Variants in CAMK1D observed in about 807,000 individuals in gnomAD.
CAMK1D encodes the protein calcium/calmodulin-dependent protein kinase type 1D.
CAMK1D carries 9 observed loss-of-function variants against 47.7 expected under a neutral mutation model. The ratio of observed to expected loss-of-function variants is 0.19; its 90% CI spans 0.11 to 0.33. CAMK1D has a LOEUF of 0.33. Among genes scored for constraint, CAMK1D ranks in the 10% least tolerant of loss-of-function variants. CAMK1D has a pLI of 1.00. For missense variants in CAMK1D, 291 were observed against 488.7 expected (o/e 0.60, Z 3.81); for synonymous variants, 184 against 184.9 (o/e 0.99, Z 0.04).
In CAMK1D at chr10:12,457,779, CAAAA is replaced by C. The variant is rs5783269; in HGVS notation, c.93-95428_93-95425del. On this transcript the variant is annotated intron_variant, in intron 1 of 10. Transcript: ENST00000619168. ...CTGGCGACAGAGCAAGACTCTGTCT[CAAAA>C]AAAAAAAAAAAAAAAAAGAAAGATG... 1.8e-4 allele frequency among the ~76,000 whole-genome samples: 13 copies of C among 71,126 alleles called. No homozygotes were observed. In the South Asian group the frequency reaches 4.8e-3, roughly 26 times the overall value. 46.7% of individuals were successfully genotyped at this position (71,126 alleles called of 152,430 possible). A position where few individuals can be genotyped will look rare whatever the true frequency, so the allele number is the denominator to read the frequency against.
At position 12,439,102 on chromosome 10, in the gene CAMK1D, C is replaced by T. The variant is rs562088982; in HGVS notation, c.92+89192C>T. On this transcript the variant is annotated intron_variant, in intron 1 of 10. Transcript: ENST00000619168. ...GGGTAGGACAGACATCAGGCACTATCGTCTGTGTCTACCAGGGCCTATTAT... is the reference window on the plus strand; with the variant it reads ...GGGTAGGACAGACATCAGGCACTATTGTCTGTGTCTACCAGGGCCTATTAT... 3.3e-5 allele frequency among the ~76,000 whole-genome samples: 5 copies of T among 152,304 alleles called. No homozygotes were observed. The South Asian group carries it at 6.2e-4, about 19-fold the overall frequency.
intron 2 of CAMK1D, among the ~76,000 whole-genome samples, chr10:12,562,371 T>G (rs1240013077): frequency 1.3e-5 from 2 of 152,204 alleles, no homozygotes; most frequent in African/African-American, 4.8e-5. Context: ...GGATTTACGT[T>G]TCCAACACAT....
At chr10:12,411,321 T>C (rs545929571) in intron 1 of CAMK1D, among the ~76,000 whole-genome samples, 140 of 152,350 alleles carry the variant, frequency 9.2e-4, no homozygotes, top group Non-Finnish European at 1.8e-3. Context: ...TAGGCTGTGC[T>C]TCCACCATGC....
chr10:12,694,514 A>T (rs1327123702), intron 3 of CAMK1D, among the ~76,000 whole-genome samples: 1 of 81,582 alleles, frequency 1.2e-5, no homozygotes, highest in Non-Finnish European at 2.3e-5. Context: ...ATATTATATA[A>T]AATATATATG....
intron 1 of CAMK1D, among the ~76,000 whole-genome samples, chr10:12,530,637 C>A (rs886329911): frequency 6.6e-6 from 1 of 152,158 alleles, no homozygotes; most frequent in Non-Finnish European, 1.5e-5. Flanking sequence ...AAGGTCTTCC[C>A]GTGGCCTCGG....
chr10:12,609,220 A>T (rs1207607106), intron 2 of CAMK1D, among the ~76,000 whole-genome samples: 1 of 152,156 alleles, frequency 6.6e-6, no homozygotes, highest in African/African-American at 2.4e-5. Flanking sequence ...GACCAAAGAG[A>T]GCTGTGAGGA....
At chr10:12,556,838 C>T (rs1274080931) in intron 2 of CAMK1D, among the ~76,000 whole-genome samples, 3 of 152,156 alleles carry the variant, frequency 2.0e-5, no homozygotes, top group Non-Finnish European at 4.4e-5. Context: ...GGGGCCAGGA[C>T]TCTATGTATG....
intron 2 of CAMK1D, among the ~76,000 whole-genome samples, chr10:12,580,963 T>C (rs1256546971): frequency 6.6e-6 from 1 of 152,118 alleles, no homozygotes; most frequent in Non-Finnish European, 1.5e-5. Context: ...TTAGTGGTGA[T>C]TTCTGAGATT....
intron 1 of CAMK1D, among the ~76,000 whole-genome samples, chr10:12,431,439 G>A (rs1319056857): frequency 6.6e-6 from 1 of 152,194 alleles, no homozygotes; most frequent in African/African-American, 2.4e-5. Flanking sequence ...GAGAGACTGG[G>A]TGGGTCGGGG....
chr10:12,551,483 G>A (rs1005122217), intron 1 of CAMK1D, among the ~76,000 whole-genome samples: 4 of 152,172 alleles, frequency 2.6e-5, no homozygotes, highest in Non-Finnish European at 1.5e-5. Flanking sequence ...GGCTGGGCGT[G>A]GTGGTTCACA....
In CAMK1D at chr10:12,600,819, T is replaced by A. The variant is rs192523929; in HGVS notation, c.224+47463T>A. ...AAGCCTCTAACGTGTGTTACTCCAT[T>A]CTGTATGTTCACATGTACACATTAT... is the stretch of plus-strand genomic sequence containing the variant. On this transcript the variant is annotated intron_variant, in intron 2 of 10. Coordinates refer to ENST00000619168, the MANE Select transcript of CAMK1D (RefSeq NM_153498.4). Among the ~76,000 whole-genome samples the A allele has an allele frequency of 3.3e-5, 5 of 152,344 alleles. No homozygotes were observed. In the East Asian group the frequency reaches 9.6e-4, roughly 29 times the overall value.
chr10:12,568,053 G>A (rs1837178116), intron 2 of CAMK1D, among the ~76,000 whole-genome samples: 1 of 151,760 alleles, frequency 6.6e-6, no homozygotes. Context: ...TTTGTTCTGG[G>A]ACCCACTCTC....
chr10:12,354,496 G>C (rs548703496), intron 1 of CAMK1D, among the ~76,000 whole-genome samples: 8 of 151,330 alleles, frequency 5.3e-5, no homozygotes, highest in Middle Eastern at 3.5e-3. Flanking sequence ...CGGGATCTCA[G>C]CTCACCGCAA....
rs1388477740 is a variant in CAMK1D, at chr10:12,490,187, GC to G, written c.93-63036del. ...ACCCAGCCCTGGCCTCTGCTGTGAA[GC>G]CTTACTTGGGCCTGGGAAGTCACTT... On this transcript the variant is annotated intron_variant, in intron 1 of 10. Coordinates refer to ENST00000619168, the MANE Select transcript of CAMK1D (RefSeq NM_153498.4). 2.0e-5 allele frequency among the ~76,000 whole-genome samples: 3 copies of G among 152,334 alleles called. No homozygotes were observed. The East Asian group carries it at 5.8e-4, about 29-fold the overall frequency.
chr10:12,705,970 A>G (rs563195188), intron 3 of CAMK1D, among the ~76,000 whole-genome samples: 1 of 152,250 alleles, frequency 6.6e-6, no homozygotes, highest in Non-Finnish European at 1.5e-5. Flanking sequence ...GCACTGAGTT[A>G]TACTGAATTC....
At chr10:12,438,526 T>A (rs1304639511) in intron 1 of CAMK1D, among the ~76,000 whole-genome samples, 2 of 152,336 alleles carry the variant, frequency 1.3e-5, no homozygotes, top group East Asian at 3.9e-4. Context: ...CCTGGACATA[T>A]CTTTCTTTAA....
At chr10:12,417,205 G>T (rs964315430) in intron 1 of CAMK1D, among the ~76,000 whole-genome samples, 3 of 152,092 alleles carry the variant, frequency 2.0e-5, no homozygotes, top group South Asian at 4.2e-4. Flanking sequence ...CTAGACGCAG[G>T]ATGATGGACC....
intron 2 of CAMK1D, among the ~76,000 whole-genome samples, chr10:12,641,619 C>CAAAA (rs572283072): frequency 7.8e-6 from 1 of 127,592 alleles, no homozygotes; most frequent in African/African-American, 2.8e-5. Flanking sequence ...ATCCCCATCT[C>CAAAA]AAAAAAAAAA....
At chr10:12,589,525 T>A (rs905639848) in intron 2 of CAMK1D, among the ~76,000 whole-genome samples, 1 of 152,192 alleles carries the variant, frequency 6.6e-6, no homozygotes, top group Admixed American at 6.5e-5. Context: ...ATGGAAGCAT[T>A]TTTGGATGAT....
Sources: gnomAD v4.1 joint callset for allele counts (sites outside exome capture counted in the v4.1 genomes callset) on GRCh38, gnomAD v4.1.1 for gene constraint, MANE v1.5 for transcripts, NCBI Gene and HGNC (gene_info 2026-07-23, HGNC 2026-07-21) for gene names.